ANO2: variants seen among roughly 807,000 people sequenced by gnomAD.
ANO2 encodes the protein anoctamin 2, also known as anoctamin-2.
Under a neutral mutation model 124.2 loss-of-function variants are expected in ANO2, and 101 were observed. The observed-to-expected ratio is 0.81, with a 90% CI of 0.69 to 0.96. The LOEUF is 0.96. Among genes scored for constraint, ANO2 ranks in the 40% least tolerant of loss-of-function variants. The probability of loss-of-function intolerance (pLI) is 0.00; values close to 1 mark genes in which losing one functional copy is unlikely to be tolerated. For missense variants in ANO2, 1,293 were observed against 1,274.5 expected (o/e 1.01, Z -0.22); for synonymous variants, 486 against 482.5 (o/e 1.01, Z -0.09).
At chr12:5,578,050 G>A (rs371970812) in intron 21 of ANO2, 43 bp from the exon 22 acceptor site, 13 of 1,594,310 alleles carry the variant, frequency 8.2e-6, no homozygotes, top group African/African-American at 6.8e-5. Context: ...TCCCGCCCTC[G>A]GCCCAGTGAT....
At chr12:5,813,731 C>G (rs1452803411) in intron 7 of ANO2, among the ~76,000 whole-genome samples, 2 of 152,172 alleles carry the variant, frequency 1.3e-5, no homozygotes, top group Non-Finnish European at 2.9e-5. Context: ...GGTACCTGCT[C>G]TCTGTGAACT....
intron 3 of ANO2, among the ~76,000 whole-genome samples, chr12:5,864,202 A>T (rs1955358581): frequency 6.6e-6 from 1 of 152,204 alleles, no homozygotes; most frequent in Non-Finnish European, 1.5e-5. Context: ...GAACACCACC[A>T]AGTGAGGATG....
chr12:5,721,845 G>C (rs1047904995), intron 14 of ANO2, among the ~76,000 whole-genome samples: 2 of 152,060 alleles, frequency 1.3e-5, no homozygotes, highest in Non-Finnish European at 2.9e-5. Flanking sequence ...AAACTTTCTT[G>C]GTTCACAGTA....
intron 14 of ANO2, among the ~76,000 whole-genome samples, chr12:5,665,902 G>A (rs1398973801): frequency 2.0e-5 from 3 of 152,006 alleles, no homozygotes; most frequent in Non-Finnish European, 2.9e-5. Flanking sequence ...TTTTTCCAAT[G>A]AGCTCAAATC....
rs370396900 is a variant in ANO2, at chr12:5,621,183, T to C, written c.1817-5886A>G. 1.3e-4 allele frequency among the ~76,000 whole-genome samples: 20 copies of C among 152,266 alleles called. No individual in the cohort carries two copies. In the South Asian group the frequency reaches 3.7e-3, roughly 28 times the overall value. ...CTCTTGCCCCACCCCCGCATACAGTTTGGAGGGCTTCTCTCCATAAGCAAA... is the reference window on the plus strand; with the variant it reads ...CTCTTGCCCCACCCCCGCATACAGTCTGGAGGGCTTCTCTCCATAAGCAAA... On this transcript the variant is annotated intron_variant, in intron 16 of 24. Transcript: ENST00000682330.
At chr12:5,802,551 T>C (rs555242418) in intron 9 of ANO2, among the ~76,000 whole-genome samples, 1 of 152,256 alleles carries the variant, frequency 6.6e-6, no homozygotes, top group Admixed American at 6.5e-5. Context: ...TAAGAGCAAG[T>C]GGATCATGCT....
chr12:5,734,897 G>C (rs7957438), intron 13 of ANO2, among the ~76,000 whole-genome samples: 19,532 of 152,052 alleles, frequency 0.13, 1,568 homozygotes, highest in African/African-American at 0.23. Context: ...TGATCCACCC[G>C]CCTCGGCCTC....
At chr12:5,720,939 C>T (rs79349717) in intron 14 of ANO2, among the ~76,000 whole-genome samples, 1 of 152,188 alleles carries the variant, frequency 6.6e-6, no homozygotes, top group Non-Finnish European at 1.5e-5. Flanking sequence ...TGGACCAGGG[C>T]CCCCCATCTG....
intron 10 of ANO2, among the ~76,000 whole-genome samples, chr12:5,794,666 C>T (rs529845240): frequency 2.0e-5 from 3 of 152,256 alleles, no homozygotes; most frequent in East Asian, 1.9e-4. Flanking sequence ...TGAGAGCCCT[C>T]GCTATATCCG....
chr12:5,854,856 C>T (rs1484728209), intron 3 of ANO2, among the ~76,000 whole-genome samples: 1 of 151,790 alleles, frequency 6.6e-6, no homozygotes, highest in Non-Finnish European at 1.5e-5. Context: ...AGCAATTCAT[C>T]TGGCCCTTGT....
At chr12:5,941,080 C>A (rs531853748) in intron 1 of ANO2, among the ~76,000 whole-genome samples, 1 of 152,078 alleles carries the variant, frequency 6.6e-6, no homozygotes, top group Non-Finnish European at 1.5e-5. Flanking sequence ...AGTGGATTCG[C>A]GGTTGCCAAG....
At chr12:5,804,872 C>T (rs1016382728) in intron 9 of ANO2, among the ~76,000 whole-genome samples, 4 of 152,030 alleles carry the variant, frequency 2.6e-5, no homozygotes, top group African/African-American at 9.7e-5. Flanking sequence ...GGGTCACCAC[C>T]TGTTTTCTTA....
At chr12:5,596,099 T>A (rs1294079365) in intron 20 of ANO2, among the ~76,000 whole-genome samples, 2 of 152,172 alleles carry the variant, frequency 1.3e-5, no homozygotes, top group African/African-American at 4.8e-5. Context: ...AAAGATTATA[T>A]GCACAAAGAT....
chr12:5,733,706 A>G (rs1227008038), intron 13 of ANO2, among the ~76,000 whole-genome samples: 1 of 152,178 alleles, frequency 6.6e-6, no homozygotes, highest in Non-Finnish European at 1.5e-5. Context: ...CATAACTAAA[A>G]CAACTGCAGG....
chr12:5,754,507 A>C (rs937468955), intron 10 of ANO2, among the ~76,000 whole-genome samples: 2 of 152,026 alleles, frequency 1.3e-5, no homozygotes, highest in Non-Finnish European at 2.9e-5. Flanking sequence ...TTTTCTTTGA[A>C]TGTTTGGAAG....
intron 4 of ANO2, among the ~76,000 whole-genome samples, chr12:5,833,111 C>T (rs1377046405): frequency 4.6e-5 from 7 of 152,212 alleles, no homozygotes; most frequent in East Asian, 1.9e-4. Context: ...AACTGCGCCA[C>T]GCTTCTATGT....
chr12:5,752,481 T>C (rs1484831412), intron 10 of ANO2, among the ~76,000 whole-genome samples: 2 of 152,246 alleles, frequency 1.3e-5, no homozygotes, highest in Non-Finnish European at 2.9e-5. Context: ...CTTTCTCCTA[T>C]ACCTGTTGGT....
upstream of ANO2, chr12:5,945,338 C>T (rs938228037): frequency 2.4e-5 from 24 of 984,300 alleles, no homozygotes; most frequent in Non-Finnish European, 2.7e-5. Context: ...CGCCGGCTGC[C>T]GCCTCCTCCT....
rs12306590 is a variant in ANO2, at chr12:5,908,019, C to G, written c.534+13021G>C. ...CCAACTCCACAATGCACCGTGAGAG[C>G]AGTACATAGCAACACACACAAACTC... is the stretch of plus-strand genomic sequence containing the variant. On this transcript the variant is annotated intron_variant, in intron 3 of 24. Coordinates refer to ENST00000682330, the MANE Select transcript of ANO2 (RefSeq NM_001364791.2). This position sits in a 1 kb window ranked among gnomAD's most constrained non-coding sequence, Gnocchi z 4.7. Among the ~76,000 whole-genome samples the G allele has an allele frequency of 0.016, 2,402 of 152,350 alleles. 49 individuals carry two copies. Among genetic ancestry groups the G allele is most frequent in the African/African-American group, 0.055 (2,268 of 41,570 alleles).
Sources: gnomAD v4.1 joint callset for allele counts (sites outside exome capture counted in the v4.1 genomes callset) on GRCh38, gnomAD v4.1.1 for gene constraint, Gnocchi (gnomAD v3.1) non-coding constraint, MANE v1.5 for transcripts, NCBI Gene and HGNC (gene_info 2026-07-23, HGNC 2026-07-21) for gene names.